Variants in HERC3 observed in about 807,000 individuals in gnomAD.
HERC3 encodes the protein probable E3 ubiquitin-protein ligase HERC3.
A neutral mutation model predicts 129.9 loss-of-function variants in HERC3; 58 were observed. That is an observed-to-expected ratio of 0.45 (90% confidence interval 0.36 to 0.56). The LOEUF is 0.56. Among genes scored for constraint, HERC3 ranks in the 20% least tolerant of loss-of-function variants. HERC3 has a pLI of 0.00. For synonymous variants in HERC3, 430 were observed against 451.0 expected (o/e 0.95, Z 0.59); for missense variants, 835 against 1,244.2 (o/e 0.67, Z 4.95).
At chr4:88,618,728 C>A (rs750666280) in intron 3 of HERC3, among the ~76,000 whole-genome samples, 11 of 152,164 alleles carry the variant, frequency 7.2e-5, no homozygotes, top group Non-Finnish European at 1.5e-4. Flanking sequence ...AATTCCTTTT[C>A]CTCAGCATTT....
At chr4:88,637,818 T>C (rs183604739) in intron 3 of HERC3, among the ~76,000 whole-genome samples, 138 of 152,200 alleles carry the variant, frequency 9.1e-4, no homozygotes, top group Admixed American at 3.1e-3. Context: ...AGCTGGTTTT[T>C]TGAAAAAATT....
the HERC3 span, among the ~76,000 whole-genome samples, chr4:88,549,649 C>T: frequency 2.0e-5 from 3 of 152,014 alleles, no homozygotes; most frequent in African/African-American, 7.3e-5. Flanking sequence ...TGATTTCATT[C>T]TCTTTTATGG....
At chr4:88,667,354 C>G (rs766874117) in intron 12 of HERC3, 23 bp from the exon 13 acceptor site, 2 of 1,320,508 alleles carry the variant, frequency 1.5e-6, no homozygotes, top group Non-Finnish European at 2.1e-6. Flanking sequence ...TTATTATATA[C>G]CTTTTTGATT....
At chr4:88,637,357 C>A (rs1727538553) in intron 3 of HERC3, among the ~76,000 whole-genome samples, 1 of 152,082 alleles carries the variant, frequency 6.6e-6, no homozygotes, top group African/African-American at 2.4e-5. Flanking sequence ...ACCCAGGAGG[C>A]AGAGCTTGCA....
the HERC3 span, among the ~76,000 whole-genome samples, chr4:88,577,719 C>T: frequency 9.3e-3 from 1,384 of 149,432 alleles, 77 homozygotes; most frequent in Admixed American, 0.081. Flanking sequence ...TTTTCTGTCT[C>T]CATAAACAGA....
In HERC3 at chr4:88,605,987, T is replaced by A; in HGVS notation, c.164T>A (p.Val55Asp). 1 of 1,613,982 alleles carries A rather than the reference T, an allele frequency of 6.2e-7. No individual in the cohort carries two copies. Among genetic ancestry groups the A allele is most frequent in the Non-Finnish European group, 8.5e-7 (1 of 1,180,004 alleles). The stretch of plus-strand genomic sequence containing the variant: ...GTGTTCCTGCTGGAAGATGGGGAAG[T>A]TTACACATGTGGTTTGAACACCAAG... ...HSVFLLEDGE[V>D]YTCGLNTKGQ... is the part of the protein sequence containing the mutation. Residue 55 changes from valine (V) to aspartate (D), a missense_variant, in exon 3 of 26, where the codon GTT (valine) becomes GAT (aspartate). By Grantham distance (152) the Val-to-Asp change is radical (BLOSUM62 -3). Transcript: ENST00000402738.
chr4:88,638,119 AGT>A (rs1488945363), intron 3 of HERC3, among the ~76,000 whole-genome samples: 1 of 152,206 alleles, frequency 6.6e-6, no homozygotes, highest in African/African-American at 2.4e-5. Context: ...AACTAAACAA[AGT>A]CCAAGACCAG....
intron 3 of HERC3, among the ~76,000 whole-genome samples, chr4:88,624,473 G>A (rs1054079864): frequency 2.6e-5 from 4 of 152,082 alleles, no homozygotes; most frequent in African/African-American, 9.7e-5. Context: ...AATGACTAAT[G>A]AACTTGAACA....
intron 3 of HERC3, among the ~76,000 whole-genome samples, chr4:88,640,153 G>T (rs1265197058): frequency 6.6e-6 from 1 of 152,192 alleles, no homozygotes; most frequent in African/African-American, 2.4e-5. Flanking sequence ...TTCAATTATT[G>T]TGGAAGACAT....
At chr4:88,684,109 G>GA (rs1361217277) in intron 21 of HERC3, among the ~76,000 whole-genome samples, 11 of 152,056 alleles carry the variant, frequency 7.2e-5, no homozygotes, top group Admixed American at 2.0e-4. Flanking sequence ...TTCAGAATTA[G>GA]AAAAAACTAC....
intron 3 of HERC3, among the ~76,000 whole-genome samples, chr4:88,607,449 TA>T (rs1015469671): frequency 2.0e-5 from 3 of 152,138 alleles, no homozygotes; most frequent in African/African-American, 7.2e-5. Flanking sequence ...TTGTTGATTT[TA>T]TTTTTTTCCA....
intron 10 of HERC3, 143 bp from the exon 11 acceptor site, chr4:88,662,288 A>C: frequency 2.7e-6 from 2 of 736,824 alleles, no homozygotes; most frequent in South Asian, 4.1e-5. Context: ...CTCCATTCTG[A>C]AGGGTGGAGG....
rs571372318 is a variant in HERC3, at chr4:88,670,202, G to A, written c.1861G>A (p.Val621Met). 20 of 1,613,588 alleles carry A rather than the reference G, an allele frequency of 1.2e-5. No homozygotes were observed. In the East Asian group the frequency reaches 3.6e-4, roughly 29 times the overall value. ...TFYIPEISNL[V>M]DIQEDYLMWF... ...TTACATTCCTGAGATTTCCAATCTC[G>A]TGGACATTCAGGAAGACTACCTCAT... The change falls in exon 16 of 26, where the codon GTG becomes ATG. Residue 621 changes from valine (V) to methionine (M), a missense_variant. Physicochemically the swap from Val to Met is conservative, Grantham distance 21. Transcript: ENST00000402738.
In HERC3 at chr4:88,657,764, A is replaced by G. The variant is rs183846765; in HGVS notation, c.1070-651A>G. 2.6e-3 allele frequency among the ~76,000 whole-genome samples: 393 copies of G among 152,118 alleles called. 1 individual carries two copies. The highest frequency in any genetic ancestry group is 8.4e-3 in the African/African-American group (347 of 41,500). ...GGAAGTTTGAGCTGTGCCTCGAAGG[A>G]TGATTTGGAGTTAGCCAGGTGTAGA... On this transcript the variant is annotated intron_variant, in intron 9 of 25. Transcript: ENST00000402738.
chr4:88,606,148 G>T (rs1723598619), intron 3 of HERC3, 99 bp downstream of exon 3: 6 of 909,954 alleles, frequency 6.6e-6, no homozygotes, highest in Non-Finnish European at 1.0e-5. Context: ...CAAGTGTTCG[G>T]TTTTCAGGGA....
chr4:88,663,007 A>G (rs1397808495), intron 11 of HERC3, among the ~76,000 whole-genome samples: 1 of 152,062 alleles, frequency 6.6e-6, no homozygotes, highest in African/African-American at 2.4e-5. Context: ...GTAGAAAAAA[A>G]AAAAAACAAC....
upstream of HERC3, among the ~76,000 whole-genome samples, chr4:88,589,606 G>T (rs1464009181): frequency 6.6e-6 from 1 of 152,172 alleles, no homozygotes; most frequent in Non-Finnish European, 1.5e-5. Context: ...AATGCAGAAA[G>T]AAATGGATGG....
the HERC3 span, among the ~76,000 whole-genome samples, chr4:88,555,494 G>T: frequency 6.6e-6 from 1 of 152,092 alleles, no homozygotes; most frequent in Non-Finnish European, 1.5e-5. Context: ...GTTTACAAGT[G>T]GCTCTTGGGT....
At chr4:88,701,221 C>T (rs1251145661) in intron 23 of HERC3, among the ~76,000 whole-genome samples, 1 of 152,098 alleles carries the variant, frequency 6.6e-6, no homozygotes, top group Non-Finnish European at 1.5e-5. Flanking sequence ...TTAACATGCA[C>T]AATAATCTTT....
Sources: gnomAD v4.1 joint callset for allele counts (sites outside exome capture counted in the v4.1 genomes callset) on GRCh38, gnomAD v4.1.1 for gene constraint, MANE v1.5 for transcripts, NCBI Gene and HGNC (gene_info 2026-07-23, HGNC 2026-07-21) for gene names.